The following PJA2 variants were observed in gnomAD, a reference collection of about 807,000 sequenced individuals.
PJA2 encodes the protein praja ring finger ubiquitin ligase 2.
In PJA2, 25 loss-of-function variants were observed where a neutral mutation model predicts 69.3. That is an observed-to-expected ratio of 0.36 (90% CI 0.26 to 0.50). PJA2 has a LOEUF of 0.50. Among genes scored for constraint, PJA2 ranks in the 20% least tolerant of loss-of-function variants. The probability of loss-of-function intolerance (pLI) is 0.96; values close to 1 mark genes in which losing one functional copy is unlikely to be tolerated. For synonymous variants in PJA2, 308 were observed against 277.8 expected, an observed-to-expected ratio of 1.11 and a Z score of -1.08; for missense variants, 809 against 830.2, an observed-to-expected ratio of 0.97 and a Z score of 0.31.
chr5:109,346,566 T>C (rs1762175452), intron 7 of PJA2, among the ~76,000 whole-genome samples: 1 of 152,216 alleles, frequency 6.6e-6, no homozygotes, highest in African/African-American at 2.4e-5. Flanking sequence ...CAGTGAAATA[T>C]TACTCCGCCT....
chr5:109,384,294 A>T (rs113838971), intron 1 of PJA2, among the ~76,000 whole-genome samples: 1 of 147,804 alleles, frequency 6.8e-6, no homozygotes, highest in East Asian at 1.9e-4. Context: ...ACAATAATTA[A>T]TGTGTGTAAA....
chr5:109,343,921 C>A (rs531372305), intron 9 of PJA2, among the ~76,000 whole-genome samples: 1 of 151,904 alleles, frequency 6.6e-6, no homozygotes, highest in Admixed American at 6.6e-5. Context: ...CATGGCGAAA[C>A]TCTGTCTCTA....
At chr5:109,375,330 T>C (rs4957811) in intron 4 of PJA2, among the ~76,000 whole-genome samples, 25,636 of 151,686 alleles carry the variant, frequency 0.17, 3,239 homozygotes, top group East Asian at 0.36. Flanking sequence ...ACCAACATGG[T>C]GAAACCCCAT....
chr5:109,399,721 CA>C (rs1747496674), intron 1 of PJA2, among the ~76,000 whole-genome samples: 1 of 151,972 alleles, frequency 6.6e-6, no homozygotes, highest in African/African-American at 2.4e-5. Context: ...AATTACAAGA[CA>C]AAAAAGCTGA....
chr5:109,387,774 CATGGACATGTAAGGT>C, intron 1 of PJA2, among the ~76,000 whole-genome samples: 1 of 152,216 alleles, frequency 6.6e-6, no homozygotes, highest in East Asian at 1.9e-4. Flanking sequence ...CAAGGAAGAA[CATGGACATGTAAGGT>C]ACACTTCTCA....
chr5:109,375,767 T>C (rs997968626), intron 4 of PJA2, among the ~76,000 whole-genome samples: 2 of 151,972 alleles, frequency 1.3e-5, no homozygotes, highest in African/African-American at 4.8e-5. Flanking sequence ...AGGATGACAA[T>C]GAAACATCAG....
intron 7 of PJA2, among the ~76,000 whole-genome samples, chr5:109,346,950 T>G (rs1762180799): frequency 6.6e-6 from 1 of 152,222 alleles, no homozygotes. Context: ...TCTATTCTTC[T>G]GGATGGCAAA....
At chr5:109,358,735 CA>C (rs1479782295) in intron 6 of PJA2, among the ~76,000 whole-genome samples, 5 of 152,268 alleles carry the variant, frequency 3.3e-5, no homozygotes, top group African/African-American at 1.2e-4. Flanking sequence ...GCTGGACAAT[CA>C]CTTGAGCCTG....
intron 4 of PJA2, among the ~76,000 whole-genome samples, chr5:109,370,351 G>A (rs1303539147): frequency 6.6e-6 from 1 of 152,180 alleles, no homozygotes. Context: ...TGATTATTAT[G>A]TCAATACGCA....
At chr5:109,406,177 AC>A (rs1747688939) in intron 1 of PJA2, among the ~76,000 whole-genome samples, 1 of 151,740 alleles carries the variant, frequency 6.6e-6, no homozygotes, top group Non-Finnish European at 1.5e-5. Flanking sequence ...AGTAGCTGGC[AC>A]TACAGGTATC....
chr5:109,353,078 A>G (rs1224944265), intron 7 of PJA2, among the ~76,000 whole-genome samples: 2 of 145,724 alleles, frequency 1.4e-5, no homozygotes, highest in African/African-American at 5.0e-5. Context: ...GATACCTATT[A>G]TATCTATAGA....
chr5:109,381,491 A>G lies in PJA2; in HGVS notation c.232+12T>C. The G allele has an allele frequency of 6.2e-7, 1 of 1,610,280 alleles. No homozygotes were observed. The highest frequency in any genetic ancestry group is 8.5e-7 in the Non-Finnish European group (1 of 1,177,600). ...ACTATTAATAACCTTTAAATAATTA[A>G]ATGTTACACACCTGAGGAATTTTCC... On this transcript the variant is annotated intron_variant, in intron 3 of 9. Coordinates refer to ENST00000361189, the MANE Select transcript of PJA2 (RefSeq NM_014819.5).
At chr5:109,343,347 CCATAA>C (rs1762116273) in intron 9 of PJA2, among the ~76,000 whole-genome samples, 1 of 18,172 alleles carries the variant, frequency 5.5e-5, no homozygotes, top group Non-Finnish European at 8.9e-5. Context: ...AGATAATGTA[CCATAA>C]AAAAAAAAAA....
intron 1 of PJA2, among the ~76,000 whole-genome samples, chr5:109,384,695 G>A (rs1747120672): frequency 6.6e-6 from 1 of 152,076 alleles, no homozygotes; most frequent in Non-Finnish European, 1.5e-5. Flanking sequence ...TCAGTAACAA[G>A]TTATGATCCT....
chr5:109,389,910 T>A (rs967803405), intron 1 of PJA2, among the ~76,000 whole-genome samples: 1 of 151,966 alleles, frequency 6.6e-6, no homozygotes, highest in African/African-American at 2.4e-5. Flanking sequence ...GTCTATTTTT[T>A]TTTTTTTGTT....
chr5:109,404,023 A>G (rs949842449), intron 1 of PJA2, among the ~76,000 whole-genome samples: 1 of 151,920 alleles, frequency 6.6e-6, no homozygotes, highest in African/African-American at 2.4e-5. Context: ...GTGAGCTGAG[A>G]TGGTGCCACT....
intron 1 of PJA2, among the ~76,000 whole-genome samples, chr5:109,401,696 G>C (rs1472039751): frequency 1.3e-5 from 2 of 152,112 alleles, no homozygotes; most frequent in African/African-American, 2.4e-5. Flanking sequence ...AACAATCTTT[G>C]GAACTTTGTT....
intron 9 of PJA2, among the ~76,000 whole-genome samples, chr5:109,338,865 T>G (rs1326540972): frequency 6.6e-6 from 1 of 151,990 alleles, no homozygotes; most frequent in Non-Finnish European, 1.5e-5. Context: ...AAATCATGAA[T>G]CATTAAAGAG....
intron 1 of PJA2, among the ~76,000 whole-genome samples, chr5:109,386,267 G>C (rs1029724922): frequency 3.9e-5 from 6 of 152,170 alleles, no homozygotes; most frequent in Non-Finnish European, 7.3e-5. Context: ...TGAAGAAAGT[G>C]TTTTAGGCAG....
Sources: allele counts gnomAD v4.1 joint callset (sites outside exome capture counted in the v4.1 genomes callset), GRCh38; gene constraint gnomAD v4.1.1; transcripts MANE v1.5; gene names NCBI Gene and HGNC (gene_info 2026-07-23, HGNC 2026-07-21).